Variants in WWOX observed in about 807,000 individuals in gnomAD.
WWOX encodes the protein WW domain containing oxidoreductase.
WWOX carries 69 observed loss-of-function variants against 46.2 expected under a neutral mutation model. That is an observed-to-expected ratio of 1.49 (90% CI 1.23 to 1.82). The LOEUF (loss-of-function observed/expected upper bound fraction) is 1.82. WWOX is among the 40% of genes most tolerant of loss of function. WWOX has a pLI of 0.00. For synonymous variants in WWOX, 359 were observed against 202.6 expected (o/e 1.77, Z -6.56); for missense variants, 919 against 542.6 (o/e 1.69, Z -6.89).
intron 8 of WWOX, among the ~76,000 whole-genome samples, chr16:78,510,721 G>C (rs148520386): frequency 9.9e-5 from 15 of 152,156 alleles, no homozygotes; most frequent in Middle Eastern, 3.4e-3. Context: ...CAGATCCTTC[G>C]TATCAGTAAA....
At chr16:78,157,256 G>T (rs776921317) in intron 4 of WWOX, among the ~76,000 whole-genome samples, 1 of 152,132 alleles carries the variant, frequency 6.6e-6, no homozygotes, top group Non-Finnish European at 1.5e-5. Context: ...TATGGCTGTT[G>T]GCATCTCATT....
At chr16:78,377,013 T>C (rs764400944) in intron 5 of WWOX, among the ~76,000 whole-genome samples, 1 of 152,228 alleles carries the variant, frequency 6.6e-6, no homozygotes, top group African/African-American at 2.4e-5. Context: ...CAGATCTCTG[T>C]GTTTGGAGCT....
chr16:79,014,460 G>A (rs2047373468), intron 8 of WWOX, among the ~76,000 whole-genome samples: 1 of 152,174 alleles, frequency 6.6e-6, no homozygotes, highest in Non-Finnish European at 1.5e-5. Flanking sequence ...TCCGTGGTAT[G>A]AAAAATGTAA....
intron 8 of WWOX, among the ~76,000 whole-genome samples, chr16:78,589,422 AG>A: frequency 6.6e-6 from 1 of 152,144 alleles, no homozygotes; most frequent in East Asian, 1.9e-4. Context: ...GTTGTCTTGA[AG>A]GGGGCTGATG....
intron 4 of WWOX, among the ~76,000 whole-genome samples, chr16:78,161,986 TA>T (rs1277337839): frequency 6.6e-6 from 1 of 152,198 alleles, no homozygotes; most frequent in Non-Finnish European, 1.5e-5. Flanking sequence ...ATTTCACTCT[TA>T]CCATTTGGAT....
chr16:78,997,490 G>C (rs1482829987), intron 8 of WWOX, among the ~76,000 whole-genome samples: 1 of 152,082 alleles, frequency 6.6e-6, no homozygotes, highest in African/African-American at 2.4e-5. Context: ...TTCTACTCCA[G>C]ATTTTTATTT....
At chr16:79,012,025 G>A (rs186981171) in intron 8 of WWOX, among the ~76,000 whole-genome samples, 6 of 152,194 alleles carry the variant, frequency 3.9e-5, no homozygotes, top group Admixed American at 6.5e-5. Flanking sequence ...ATAGTTCAGG[G>A]ATCCCTCTGG....
chr16:78,929,181 A>T (rs1017984320), intron 8 of WWOX, among the ~76,000 whole-genome samples: 1 of 152,166 alleles, frequency 6.6e-6, no homozygotes. Context: ...CAGACCGTAA[A>T]TTGAAGTGTA....
In WWOX at chr16:78,509,187, C is replaced by T. The variant is rs183086445; in HGVS notation, c.1056+76435C>T. On this transcript the variant is annotated intron_variant, in intron 8 of 8. Transcript: ENST00000566780. ...GGCATGGTGGTTCACGCCTGTAATC[C>T]CAGCCCTTTGGGAGGCCAAGGCAGG... Among the ~76,000 whole-genome samples, 631 of 152,290 alleles carry T rather than the reference C, an allele frequency of 4.1e-3. 1 individual carries two copies. The highest frequency in any genetic ancestry group is 0.014 in the Middle Eastern group (4 of 294).
chr16:78,824,072 T>C (rs1597674022), intron 8 of WWOX, among the ~76,000 whole-genome samples: 1 of 152,326 alleles, frequency 6.6e-6, no homozygotes, highest in East Asian at 1.9e-4. Flanking sequence ...ATCCAAATTT[T>C]ATTTTTCTAG....
At chr16:78,817,819 C>G (rs2051379418) in intron 8 of WWOX, among the ~76,000 whole-genome samples, 1 of 152,182 alleles carries the variant, frequency 6.6e-6, no homozygotes. Flanking sequence ...GCAGTCCAGT[C>G]ACCCCAGTGA....
At chr16:78,795,483 C>T (rs987749001) in intron 8 of WWOX, among the ~76,000 whole-genome samples, 2 of 149,474 alleles carry the variant, frequency 1.3e-5, no homozygotes, top group African/African-American at 4.9e-5. Context: ...ATGGAGTGCT[C>T]ACAAGATCCT....
chr16:78,909,377 C>G (rs1338704530), intron 8 of WWOX, among the ~76,000 whole-genome samples: 1 of 152,162 alleles, frequency 6.6e-6, no homozygotes, highest in African/African-American at 2.4e-5. Flanking sequence ...CTCTGTTCAG[C>G]TGTTAAGATT....
Position 79,072,729 on chromosome 16 carries a change from T to C in WWOX, c.1057-138879T>C, listed in dbSNP as rs116043651. 3.2e-3 allele frequency among the ~76,000 whole-genome samples: 484 copies of C among 152,338 alleles called. 3 individuals carry two copies. Among genetic ancestry groups the C allele is most frequent in the African/African-American group, 0.011 (474 of 41,574 alleles). On this transcript the variant is annotated intron_variant, in intron 8 of 8. Transcript: ENST00000566780. ...TCAGGGCCACAACAGCCTCTTCTTT[T>C]CTCTTAAATCTTCCAGCAATTCTTC...
chr16:78,946,076 G>C (rs902151677), intron 8 of WWOX, among the ~76,000 whole-genome samples: 1 of 152,132 alleles, frequency 6.6e-6, no homozygotes. Flanking sequence ...CGATCTACTG[G>C]ACTTTCTTAA....
chr16:78,923,806 T>TG (rs71140844), intron 8 of WWOX, among the ~76,000 whole-genome samples: 1 of 144,110 alleles, frequency 6.9e-6, no homozygotes, highest in East Asian at 2.0e-4. Context: ...TTTTTTTTTT[T>TG]TTTTTTTTTT....
intron 8 of WWOX, among the ~76,000 whole-genome samples, chr16:78,469,788 C>T (rs994841661): frequency 1.3e-5 from 2 of 152,178 alleles, no homozygotes; most frequent in African/African-American, 4.8e-5. Context: ...AGAAGAGCTT[C>T]CTCTCAGTGC....
chr16:79,177,809 A>G lies in WWOX; in HGVS notation c.1057-33799A>G, dbSNP rs2050830818. On this transcript the variant is annotated intron_variant, in intron 8 of 8. Coordinates refer to ENST00000566780, the MANE Select transcript of WWOX (RefSeq NM_016373.4). ...TTTGTGGACCATAGGGCCTGTGTCA[A>G]AAGTACTAAATGTTACCATTTTCCT... 4.6e-5 allele frequency among the ~76,000 whole-genome samples: 7 copies of G among 152,350 alleles called. No homozygotes were observed. The South Asian group carries it at 1.2e-3, about 27-fold the overall frequency.
chr16:79,156,313 A>G (rs2050380567), intron 8 of WWOX, among the ~76,000 whole-genome samples: 1 of 152,168 alleles, frequency 6.6e-6, no homozygotes, highest in Non-Finnish European at 1.5e-5. Flanking sequence ...GGTGCGCACC[A>G]ACACACTTGG....
Sources: allele counts gnomAD v4.1 joint callset (sites outside exome capture counted in the v4.1 genomes callset), GRCh38; gene constraint gnomAD v4.1.1; transcripts MANE v1.5; gene names NCBI Gene and HGNC (gene_info 2026-07-23, HGNC 2026-07-21).